BCAR3: variants seen among roughly 807,000 people sequenced by gnomAD.
BCAR3 encodes the protein breast cancer anti-estrogen resistance protein 3.
A neutral mutation model predicts 80.1 loss-of-function variants in BCAR3; 37 were observed. That is an observed-to-expected ratio of 0.46 (90% CI 0.36 to 0.61). The LOEUF (loss-of-function observed/expected upper bound fraction) is 0.61. Among genes scored for constraint, BCAR3 ranks in the 20% least tolerant of loss-of-function variants. The pLI is 0.00. For synonymous variants in BCAR3, 389 were observed against 418.9 expected (o/e 0.93, Z 0.87); for missense variants, 978 against 1,068.2 (o/e 0.92, Z 1.18).
intron 2 of BCAR3, among the ~76,000 whole-genome samples, chr1:93,839,419 A>G (rs1179138397): frequency 2.0e-5 from 3 of 152,366 alleles, no homozygotes; most frequent in Non-Finnish European, 4.4e-5. Flanking sequence ...CTATGGGTCT[A>G]TAACAGGAAC....
Position 93,582,725 on chromosome 1 carries a change from G to A in BCAR3, c.1262C>T (p.Ala421Val). Residue 421 changes from alanine (A) to valine (V), a missense_variant, in exon 7 of 12, where the codon GCC (alanine) becomes GTC (valine). Coordinates refer to ENST00000260502, the MANE Select transcript of BCAR3 (RefSeq NM_003567.4). Reference protein sequence around the residue: ...PFLKVPSSPSAWLNSEANYCE... With the variant: ...PFLKVPSSPSVWLNSEANYCE... ...GTAGTTGGCCTCTGAGTTGAGCCAG[G>A]CAGAGGGAGACGAGGGAACCTTGAG... The A allele has an allele frequency of 6.2e-7, 1 of 1,614,144 alleles. No homozygotes were observed. Among genetic ancestry groups the A allele is most frequent in the South Asian group, 1.1e-5 (1 of 91,078 alleles).
chr1:93,586,474 A>C lies in BCAR3; in HGVS notation c.930-2353T>G, dbSNP rs1444242239. On this transcript the variant is annotated intron_variant, in intron 5 of 11. Transcript: ENST00000260502. This position sits in a 1 kb window ranked among gnomAD's most constrained non-coding sequence, Gnocchi z 4.2. ...GTTGATGGACACTTAGGCTGCTTCC[A>C]AATCTTAGCTATTGTAAACAGTGCT... 6.6e-6 allele frequency among the ~76,000 whole-genome samples: 1 copy of C among 151,984 alleles called. No homozygotes were observed. Among genetic ancestry groups the C allele is most frequent in the Non-Finnish European group, 1.5e-5 (1 of 68,024 alleles).
intron 2 of BCAR3, among the ~76,000 whole-genome samples, chr1:93,834,240 GTC>G (rs1654683061): frequency 6.6e-6 from 1 of 152,056 alleles, no homozygotes; most frequent in Admixed American, 6.5e-5. Flanking sequence ...CATTTTACCT[GTC>G]CAAAAACCAG....
intron 4 of BCAR3, 27 bp from the exon 5 acceptor site, chr1:93,589,446 G>A: frequency 6.3e-7 from 1 of 1,578,136 alleles, no homozygotes; most frequent in Non-Finnish European, 8.6e-7. Context: ...TGAGTGAGGA[G>A]TAGGAAAGGC....
chr1:93,799,806 C>T (rs1653412427), intron 2 of BCAR3, among the ~76,000 whole-genome samples: 1 of 152,158 alleles, frequency 6.6e-6, no homozygotes, highest in Admixed American at 6.5e-5. Context: ...TGAGGCATAA[C>T]AGTCCAGGTA....
chr1:93,639,928 A>C (rs1432302494), intron 3 of BCAR3, among the ~76,000 whole-genome samples: 2 of 152,154 alleles, frequency 1.3e-5, no homozygotes, highest in African/African-American at 4.8e-5. Flanking sequence ...TTCTGGAGTC[A>C]AAATGGATCC....
intron 9 of BCAR3, chr1:93,568,199 TAAATA>T (rs139527712): frequency 0.043 from 6,702 of 157,048 alleles, 484 homozygotes; most frequent in African/African-American, 0.16. Flanking sequence ...AAAAAAAAAA[TAAATA>T]AAATAAAATT....
chr1:93,562,213 GAT>G lies in BCAR3; in HGVS notation c.*26_*27del, dbSNP rs1257598506. Reference sequence around the variant, plus strand: ...AGATGAAGCTGGGGAAACTTGAAAAGATATTCTAAAGGTTCTCTGGAGAGTTA... The same window carrying G: ...AGATGAAGCTGGGGAAACTTGAAAAGATTCTAAAGGTTCTCTGGAGAGTTA... On this transcript the variant is annotated 3_prime_UTR_variant, in exon 12 of 12. Coordinates refer to ENST00000260502, the MANE Select transcript of BCAR3 (RefSeq NM_003567.4). 1.3e-6 allele frequency: 2 copies of G among 1,582,360 alleles called. No individual in the cohort carries two copies. Among genetic ancestry groups the G allele is most frequent in the Non-Finnish European group, 1.7e-6 (2 of 1,162,380 alleles).
intron 2 of BCAR3, 86 bp from the exon 3 acceptor site, chr1:93,642,429 T>C (rs1252069002): frequency 1.5e-6 from 2 of 1,331,670 alleles, no homozygotes; most frequent in Non-Finnish European, 2.2e-6. Context: ...TATTTCACCC[T>C]ATTCACTAAG....
Position 93,592,357 on chromosome 1 carries a change from C to A in BCAR3, c.394G>T (p.Glu132Ter). 6.2e-7 allele frequency: 1 copy of A among 1,606,374 alleles called. No individual in the cohort carries two copies. Residue 132 changes from glutamate to a stop codon, truncating the protein, a stop_gained, in exon 4 of 12, where the codon GAG becomes TAG. Coordinates refer to ENST00000260502, the MANE Select transcript of BCAR3 (RefSeq NM_003567.4). LOFTEE classifies it high-confidence loss of function. This position sits in a 1 kb window ranked among gnomAD's most constrained non-coding sequence, Gnocchi z 4.8. Reference protein sequence around the residue: ...KERHIMDRTPEKLKKELEEEL... With the variant: ...KERHIMDRTP ...TCCTCCAGCTCCTTCTTCAGTTTCT[C>A]GGGGGTCCTGTCCATGATGTGCCTC...
chr1:93,723,820 G>C (rs1334378633), intron 2 of BCAR3, among the ~76,000 whole-genome samples: 1 of 152,186 alleles, frequency 6.6e-6, no homozygotes, highest in African/African-American at 2.4e-5. Context: ...GCTGGGACTG[G>C]AATGCAGGGC....
intron 2 of BCAR3, among the ~76,000 whole-genome samples, chr1:93,737,105 G>A (rs1410303646): frequency 6.6e-6 from 1 of 152,114 alleles, no homozygotes; most frequent in Non-Finnish European, 1.5e-5. Context: ...TTTAAGTTGT[G>A]GAGTGCTGTG....
intron 1 of BCAR3, chr1:93,846,772 G>C: frequency 2.3e-6 from 1 of 441,968 alleles, no homozygotes; most frequent in Non-Finnish European, 4.6e-6. Context: ...GCAGCTGCGC[G>C]GCGTCCTTGG....
At chr1:93,822,343 A>ATT (rs34589621) in intron 2 of BCAR3, among the ~76,000 whole-genome samples, 42 of 142,938 alleles carry the variant, frequency 2.9e-4, no homozygotes, top group African/African-American at 6.5e-4. Flanking sequence ...CGCATGGCTA[A>ATT]TTTTTTTTTT....
chr1:93,665,539 G>C (rs1324634780), intron 2 of BCAR3, among the ~76,000 whole-genome samples: 1 of 152,044 alleles, frequency 6.6e-6, no homozygotes, highest in African/African-American at 2.4e-5. Context: ...TCGTTCTTAG[G>C]GTTCCTTCCC....
chr1:93,675,695 A>G (rs1648442959), intron 1 of BCAR3, among the ~76,000 whole-genome samples: 2 of 151,618 alleles, frequency 1.3e-5, no homozygotes, highest in Admixed American at 6.6e-5. Context: ...AGAAGAAAAG[A>G]AAAAAAATGG....
chr1:93,774,400 C>T (rs1652466477), intron 2 of BCAR3, among the ~76,000 whole-genome samples: 1 of 150,792 alleles, frequency 6.6e-6, no homozygotes. Context: ...AGGAGAATCG[C>T]TTGAACCCAG....
rs1191101398 is a variant in BCAR3 at position 93,824,591 on chromosome 1, C to G, written c.-63+20976G>C. On this transcript the variant is annotated intron_variant, in intron 2 of 13. Coordinates refer to the BCAR3 transcript ENST00000370244. ...AGCTCTCCTTGCATCCCCGACCTTA[C>G]CCCCACCACCTCTCTCCCTTTGTTC... is the stretch of plus-strand genomic sequence containing the variant. Among the ~76,000 whole-genome samples, 2 of 132,684 alleles carry G rather than the reference C, an allele frequency of 1.5e-5. 1 individual carries two copies. The highest frequency in any genetic ancestry group is 1.6e-4 in the Admixed American group (2 of 12,692). The allele number at this position is 132,684 out of a possible 152,430, so 87.0% of individuals were successfully genotyped here.
chr1:93,788,785 T>C (rs1272426929), intron 2 of BCAR3, among the ~76,000 whole-genome samples: 2 of 152,180 alleles, frequency 1.3e-5, no homozygotes, highest in African/African-American at 4.8e-5. Context: ...TTTTGGGCAC[T>C]GTTTGGGCAT....
Sources: gnomAD v4.1 joint callset for allele counts (sites outside exome capture counted in the v4.1 genomes callset) on GRCh38, gnomAD v4.1.1 for gene constraint, Gnocchi (gnomAD v3.1) non-coding constraint, MANE v1.5 for transcripts, NCBI Gene and HGNC (gene_info 2026-07-23, HGNC 2026-07-21) for gene names.